The following CSMD1 variants were observed in gnomAD, a reference collection of about 807,000 sequenced individuals.
CSMD1 encodes the protein CUB and Sushi multiple domains 1.
In CSMD1, 213 loss-of-function variants were observed where a neutral mutation model predicts 417.5. That is an observed-to-expected ratio of 0.51 (90% CI 0.46 to 0.57). The LOEUF is 0.57. Ranked by LOEUF, CSMD1 falls within the 20% of genes least tolerant of loss-of-function variation. The pLI is 0.00. For synonymous variants in CSMD1, 2,862 were observed against 1,736.8 expected (o/e 1.65, Z -16.11); for missense variants, 6,923 against 4,529.7 (o/e 1.53, Z -15.17).
At chr8:4,805,085 C>G (rs1798513814) in intron 1 of CSMD1, among the ~76,000 whole-genome samples, 1 of 152,096 alleles carries the variant, frequency 6.6e-6, no homozygotes, top group Non-Finnish European at 1.5e-5. Context: ...ACCCAAGTAT[C>G]CAACTGATAA....
chr8:3,492,969 C>T (rs932152353), intron 11 of CSMD1, among the ~76,000 whole-genome samples: 1 of 152,100 alleles, frequency 6.6e-6, no homozygotes, highest in Non-Finnish European at 1.5e-5. Context: ...GATAATATAA[C>T]ATCACAGGGA....
intron 20 of CSMD1, among the ~76,000 whole-genome samples, chr8:3,366,521 T>TG (rs1809576193): frequency 6.6e-6 from 1 of 152,198 alleles, no homozygotes; most frequent in Non-Finnish European, 1.5e-5. Context: ...TTACCTAACT[T>TG]GGAGTATTTT....
At chr8:4,350,863 A>G (rs1801051803) in intron 3 of CSMD1, among the ~76,000 whole-genome samples, 1 of 152,186 alleles carries the variant, frequency 6.6e-6, no homozygotes, top group Non-Finnish European at 1.5e-5. Flanking sequence ...CAGTGGCTCT[A>G]GTTCCGGTGG....
chr8:3,252,874 T>C (rs1800376192), intron 26 of CSMD1, among the ~76,000 whole-genome samples: 1 of 152,228 alleles, frequency 6.6e-6, no homozygotes, highest in African/African-American at 2.4e-5. Flanking sequence ...TATTCTCTGA[T>C]GGTAGTTTGT....
At chr8:4,314,111 C>T (rs1798789454) in intron 3 of CSMD1, among the ~76,000 whole-genome samples, 1 of 152,006 alleles carries the variant, frequency 6.6e-6, no homozygotes, top group African/African-American at 2.4e-5. Context: ...AACACTGATA[C>T]CACCATGTAT....
At chr8:4,403,868 C>G (rs1804827732) in intron 3 of CSMD1, among the ~76,000 whole-genome samples, 1 of 152,102 alleles carries the variant, frequency 6.6e-6, no homozygotes, top group South Asian at 2.1e-4. Flanking sequence ...TTTAACTTGC[C>G]TAAAAATGAA....
At position 4,399,288 on chromosome 8, in the gene CSMD1, T is replaced by G. The variant is rs577795809; in HGVS notation, c.415+20665A>C. 3.9e-5 allele frequency among the ~76,000 whole-genome samples: 6 copies of G among 152,322 alleles called. No individual in the cohort carries two copies. In the South Asian group the frequency reaches 1.0e-3, roughly 26 times the overall value. ...AACAGCAACAAAGGACCATCATTAG[T>G]AATGAGGGAGCTTCAATTCTACATG... is the stretch of plus-strand genomic sequence containing the variant. On this transcript the variant is annotated intron_variant, in intron 3 of 69. Transcript: ENST00000635120.
At chr8:4,120,479 G>A (rs1028849445) in intron 3 of CSMD1, among the ~76,000 whole-genome samples, 24 of 152,058 alleles carry the variant, frequency 1.6e-4, no homozygotes, top group African/African-American at 5.1e-4. Flanking sequence ...TCACACAAAT[G>A]CTAGAAGAAG....
rs780637839 is a variant in CSMD1, at chr8:3,754,008, T to C, written c.853A>G (p.Ser285Gly). Reference protein sequence around the residue: ...TGMNLPSPVISSKNWLRLHFT... With the variant: ...TGMNLPSPVIGSKNWLRLHFT... ...TGGAGTCGTAGCCAATTCTTGCTACTGATAACTGGAGAGGGGAGGTTCATG... is the reference window on the plus strand; with the variant it reads ...TGGAGTCGTAGCCAATTCTTGCTACCGATAACTGGAGAGGGGAGGTTCATG... The change falls in exon 6 of 70, where the codon AGT becomes GGT. Residue 285 changes from serine (S) to glycine (G), a missense_variant. Ser to Gly is a moderately conservative substitution (Grantham distance 56). Coordinates refer to ENST00000635120, the MANE Select transcript of CSMD1 (RefSeq NM_033225.6). The C allele has an allele frequency of 1.2e-6, 2 of 1,613,234 alleles. No individual in the cohort carries two copies. Among genetic ancestry groups the C allele is most frequent in the Non-Finnish European group, 1.7e-6 (2 of 1,179,370 alleles).
chr8:3,199,626 G>GT, intron 33 of CSMD1, 88 bp downstream of exon 33: 1 of 671,194 alleles, frequency 1.5e-6, no homozygotes, highest in Non-Finnish European at 2.3e-6. Context: ...CAGCTGAGAT[G>GT]TTTTGAGTGC....
At position 4,914,506 on chromosome 8, in the gene CSMD1, A is replaced by G. The variant is rs1805920085; in HGVS notation, c.85+79826T>C. On this transcript the variant is annotated intron_variant, in intron 1 of 69. Transcript: ENST00000635120. ...GGCAGGAGAATGGCGTGAACCTGGG[A>G]TGCGGAGTTTGCAGTGAGCTGAGAT... Among the ~76,000 whole-genome samples, 9 of 149,238 alleles carry G rather than the reference A, an allele frequency of 6.0e-5. 1 individual carries two copies. In the South Asian group the frequency reaches 2.0e-3, roughly 33 times the overall value.
At chr8:4,201,689 C>G (rs200150600) in intron 3 of CSMD1, among the ~76,000 whole-genome samples, 1 of 150,980 alleles carries the variant, frequency 6.6e-6, no homozygotes, top group East Asian at 2.0e-4. Context: ...AAGTGTTATA[C>G]CTATGTGAGA....
At chr8:3,511,351 C>T (rs943768049) in intron 10 of CSMD1, among the ~76,000 whole-genome samples, 2 of 149,638 alleles carry the variant, frequency 1.3e-5, no homozygotes, top group African/African-American at 5.0e-5. Flanking sequence ...GCACGTTCTG[C>T]ACATGTATCC....
At chr8:4,194,481 T>A (rs1799216797) in intron 3 of CSMD1, among the ~76,000 whole-genome samples, 1 of 152,176 alleles carries the variant, frequency 6.6e-6, no homozygotes, top group South Asian at 2.1e-4. Context: ...GTCACTTTTC[T>A]AATAAATAGT....
intron 16 of CSMD1, among the ~76,000 whole-genome samples, chr8:3,398,314 C>T (rs1272510561): frequency 2.6e-5 from 4 of 152,204 alleles, no homozygotes; most frequent in African/African-American, 9.6e-5. Context: ...ATTGATTATA[C>T]ACAGTAATTC....
chr8:4,171,040 A>C (rs1171474414), intron 3 of CSMD1, among the ~76,000 whole-genome samples: 1 of 151,832 alleles, frequency 6.6e-6, no homozygotes, highest in Non-Finnish European at 1.5e-5. Flanking sequence ...GAATGCACCG[A>C]TCTCTCCATC....
chr8:3,188,934 A>G lies in CSMD1; in HGVS notation c.5476T>C (p.Leu1826=), dbSNP rs1311813336. The change falls in exon 35 of 70, where the codon TTG becomes CTG. Residue 1826 remains leucine, a synonymous_variant. Coordinates refer to ENST00000635120, the MANE Select transcript of CSMD1 (RefSeq NM_033225.6). ...PGYPEPYGNN[L]NCIWKIIVTE... ...ACTATGATCTTCCATATACAGTTCA[A>G]GTTGTTTCCGTATGGCTCAGGGTAG... 1.2e-6 allele frequency: 2 copies of G among 1,610,456 alleles called. No individual in the cohort carries two copies. Among genetic ancestry groups the G allele is most frequent in the Non-Finnish European group, 1.7e-6 (2 of 1,178,292 alleles).
At chr8:3,949,763 C>G (rs768271865) in intron 5 of CSMD1, among the ~76,000 whole-genome samples, 1 of 152,114 alleles carries the variant, frequency 6.6e-6, no homozygotes, top group East Asian at 1.9e-4. Flanking sequence ...CCAAGAAGCG[C>G]ACAAGACAGC....
intron 2 of CSMD1, among the ~76,000 whole-genome samples, chr8:4,466,769 A>G (rs901895116): frequency 6.6e-6 from 1 of 152,230 alleles, no homozygotes; most frequent in African/African-American, 2.4e-5. Context: ...AAATTATAAT[A>G]TGAGAATACC....
Sources: allele counts gnomAD v4.1 joint callset (sites outside exome capture counted in the v4.1 genomes callset), GRCh38; gene constraint gnomAD v4.1.1; transcripts MANE v1.5; gene names NCBI Gene and HGNC (gene_info 2026-07-23, HGNC 2026-07-21).